The following KCNJ6 variants were observed in gnomAD, a reference collection of about 807,000 sequenced individuals.
KCNJ6 encodes the protein potassium inwardly rectifying channel subfamily J member 6, also known as G protein-activated inward rectifier potassium channel 2.
Under a neutral mutation model 34.2 loss-of-function variants are expected in KCNJ6, and 9 were observed. The ratio of observed to expected loss-of-function variants is 0.26; its 90% CI spans 0.16 to 0.46. The LOEUF is 0.46. Among genes scored for constraint, KCNJ6 ranks in the 20% least tolerant of loss-of-function variants. The pLI is 1.00. For missense variants in KCNJ6, 236 were observed against 531.3 expected, an observed-to-expected ratio of 0.44 and a Z score of 5.46; for synonymous variants, 196 against 207.1, an observed-to-expected ratio of 0.95 and a Z score of 0.46.
chr21:37,774,512 C>G (rs1382068918), intron 2 of KCNJ6, among the ~76,000 whole-genome samples: 5 of 151,790 alleles, frequency 3.3e-5, no homozygotes, highest in Non-Finnish European at 5.9e-5. Context: ...CCCCCTACCC[C>G]ACAACAGGCT....
Position 37,795,453 on chromosome 21 carries a change from C to T in KCNJ6, c.25+45205G>A, listed in dbSNP as rs556542031. Among the ~76,000 whole-genome samples the T allele has an allele frequency of 1.0e-3, 156 of 152,166 alleles. 1 individual carries two copies. Among genetic ancestry groups the T allele is most frequent in the African/African-American group, 3.6e-3 (148 of 41,520 alleles). ...TCATGTCCTAAAGAAAGTAAGATTG[C>T]CACATAGAGGGCTGGACATGGTGGT... On this transcript the variant is annotated intron_variant, in intron 2 of 3. Transcript: ENST00000609713.
At chr21:37,733,064 A>G (rs2054894182) in intron 2 of KCNJ6, among the ~76,000 whole-genome samples, 1 of 152,080 alleles carries the variant, frequency 6.6e-6, no homozygotes, top group Non-Finnish European at 1.5e-5. Flanking sequence ...TTTAATGCAC[A>G]CTCTATAGAC....
At chr21:37,673,974 T>C (rs1273796276) in intron 3 of KCNJ6, among the ~76,000 whole-genome samples, 3 of 152,200 alleles carry the variant, frequency 2.0e-5, no homozygotes, top group African/African-American at 7.2e-5. Context: ...GCTGTGACTT[T>C]GAGCCCTGTG....
chr21:37,662,954 G>T (rs1256785211), intron 3 of KCNJ6, among the ~76,000 whole-genome samples: 1 of 152,026 alleles, frequency 6.6e-6, no homozygotes, highest in Non-Finnish European at 1.5e-5. Context: ...TTTTTAATGA[G>T]GTGGTTTGTT....
At chr21:37,880,302 T>G (rs1229342672) in intron 1 of KCNJ6, among the ~76,000 whole-genome samples, 1 of 151,846 alleles carries the variant, frequency 6.6e-6, no homozygotes, top group Non-Finnish European at 1.5e-5. Flanking sequence ...AAAAAAGGAG[T>G]CACAACAGCT....
rs560382386 is a variant in KCNJ6 at position 37,737,005 on chromosome 21, T to C, written c.26-21874A>G. On this transcript the variant is annotated intron_variant, in intron 2 of 3. Coordinates refer to ENST00000609713, the MANE Select transcript of KCNJ6 (RefSeq NM_002240.5). Reference sequence around the variant, plus strand: ...GACATGAGTTTCCTAACAAATTACGTTGGGGGCACGATGCTTTTCCTTTTG... The same window carrying C: ...GACATGAGTTTCCTAACAAATTACGCTGGGGGCACGATGCTTTTCCTTTTG... Among the ~76,000 whole-genome samples, 5 of 152,312 alleles carry C rather than the reference T, an allele frequency of 3.3e-5. No homozygotes were observed. The South Asian group carries it at 8.3e-4, about 25-fold the overall frequency.
At chr21:37,897,653 T>C (rs2055795491) in intron 1 of KCNJ6, among the ~76,000 whole-genome samples, 1 of 152,118 alleles carries the variant, frequency 6.6e-6, no homozygotes, top group African/African-American at 2.4e-5. Flanking sequence ...CTCTAGTCCC[T>C]CACTTTTCTA....
At chr21:37,709,636 A>G (rs2054740750) in intron 3 of KCNJ6, among the ~76,000 whole-genome samples, 1 of 152,242 alleles carries the variant, frequency 6.6e-6, no homozygotes, top group Non-Finnish European at 1.5e-5. Context: ...AGTGCCCGAC[A>G]ACACCATTGG....
intron 3 of KCNJ6, among the ~76,000 whole-genome samples, chr21:37,638,549 G>T (rs139374672): frequency 1.1e-3 from 167 of 152,232 alleles, no homozygotes; most frequent in African/African-American, 3.9e-3. Context: ...ATAGCCAAAG[G>T]CATTCTGCAC....
chr21:37,802,151 G>C (rs2055272369), intron 2 of KCNJ6, among the ~76,000 whole-genome samples: 2 of 152,120 alleles, frequency 1.3e-5, no homozygotes, highest in African/African-American at 4.8e-5. Context: ...AAGGATCCAG[G>C]CATCCTTCCA....
intron 2 of KCNJ6, among the ~76,000 whole-genome samples, chr21:37,782,003 C>A (rs1037372249): frequency 6.6e-6 from 1 of 152,182 alleles, no homozygotes; most frequent in Admixed American, 6.5e-5. Context: ...GTGATTCTGT[C>A]AATAACCTTG....
At chr21:37,796,568 G>C (rs1456102644) in intron 2 of KCNJ6, among the ~76,000 whole-genome samples, 2 of 152,180 alleles carry the variant, frequency 1.3e-5, no homozygotes, top group Non-Finnish European at 2.9e-5. Context: ...ACTTTTCTGA[G>C]GTCCCTCCTG....
chr21:37,776,220 T>A (rs918765296), intron 2 of KCNJ6, among the ~76,000 whole-genome samples: 7 of 152,242 alleles, frequency 4.6e-5, no homozygotes, highest in African/African-American at 1.7e-4. Flanking sequence ...TTTGCTGAAG[T>A]TGCTTATCAG....
intron 1 of KCNJ6, among the ~76,000 whole-genome samples, chr21:37,894,742 T>C (rs781089025): frequency 7.2e-5 from 11 of 152,150 alleles, no homozygotes; most frequent in Non-Finnish European, 1.2e-4. Flanking sequence ...AAAATGTGGC[T>C]TTACTACTTT....
chr21:37,806,772 T>C (rs1288449513), intron 2 of KCNJ6, among the ~76,000 whole-genome samples: 1 of 152,238 alleles, frequency 6.6e-6, no homozygotes, highest in Non-Finnish European at 1.5e-5. Context: ...CAGTGTATTT[T>C]TGCTCTTTTG....
chr21:37,678,003 A>G (rs912039991), intron 3 of KCNJ6, among the ~76,000 whole-genome samples: 2 of 152,032 alleles, frequency 1.3e-5, no homozygotes, highest in Non-Finnish European at 2.9e-5. Context: ...TCTTACTGTC[A>G]CAGAGATATT....
chr21:37,877,000 C>T (rs192811048), intron 1 of KCNJ6, among the ~76,000 whole-genome samples: 13 of 152,166 alleles, frequency 8.5e-5, no homozygotes, highest in Non-Finnish European at 1.5e-4. Context: ...ATAAACTTAA[C>T]ATTTTTATTA....
At chr21:37,801,334 C>A (rs987375698) in intron 2 of KCNJ6, among the ~76,000 whole-genome samples, 2 of 152,174 alleles carry the variant, frequency 1.3e-5, no homozygotes, top group African/African-American at 2.4e-5. Context: ...GAGCCCCTGC[C>A]GCATGCTTTT....
intron 2 of KCNJ6, among the ~76,000 whole-genome samples, chr21:37,823,656 G>A (rs1010630644): frequency 2.6e-5 from 4 of 152,138 alleles, no homozygotes; most frequent in Non-Finnish European, 4.4e-5. Flanking sequence ...TTCCCCTTTC[G>A]CCATGATTGT....
Sources: gnomAD v4.1 joint callset for allele counts (sites outside exome capture counted in the v4.1 genomes callset) on GRCh38, gnomAD v4.1.1 for gene constraint, MANE v1.5 for transcripts, NCBI Gene and HGNC (gene_info 2026-07-23, HGNC 2026-07-21) for gene names.